The following IRAK2 variants were observed in gnomAD, a reference collection of about 807,000 sequenced individuals.
IRAK2 encodes the protein interleukin-1 receptor-associated kinase-like 2.
Under a neutral mutation model 72.0 loss-of-function variants are expected in IRAK2, and 57 were observed. The ratio of observed to expected loss-of-function variants is 0.79; its 90% CI spans 0.64 to 0.99. IRAK2 has a LOEUF of 0.99. Ranked by LOEUF, IRAK2 falls within the 50% of genes least tolerant of loss-of-function variation. The pLI is 0.00. For synonymous variants in IRAK2, 293 were observed against 312.7 expected (o/e 0.94, Z 0.67); for missense variants, 790 against 794.4 (o/e 0.99, Z 0.07).
At chr3:10,221,077 GCA>G (rs143843977) in intron 8 of IRAK2, among the ~76,000 whole-genome samples, 1 of 150,654 alleles carries the variant, frequency 6.6e-6, no homozygotes, top group Non-Finnish European at 1.5e-5. Context: ...TTGCGGGCGT[GCA>G]CACACACACA....
In IRAK2 at chr3:10,219,761, C is replaced by G. The variant is rs11465910; in HGVS notation, c.985C>G (p.Leu329Val). 1.9e-3 allele frequency: 3,126 copies of G among 1,613,750 alleles called. 51 individuals carry two copies. In the African/African-American group the frequency reaches 0.037, roughly 19 times the overall value. ...CTGTGCCGTCGAGTACCTGCATGGT[C>G]TGGAGATCATCCACAGCAACGTCAA... ...LLCAVEYLHGLEIIHSNVKSS... is the reference protein window; with the variant it reads ...LLCAVEYLHGVEIIHSNVKSS... The change falls in exon 8 of 13, where the codon CTG becomes GTG. Residue 329 changes from leucine (L) to valine (V), a missense_variant. By Grantham distance (32) the Leu-to-Val change is conservative (BLOSUM62 1). Coordinates refer to ENST00000256458, the MANE Select transcript of IRAK2 (RefSeq NM_001570.4).
intron 10 of IRAK2, among the ~76,000 whole-genome samples, chr3:10,231,689 A>G (rs1052214762): frequency 2.6e-5 from 4 of 151,986 alleles, no homozygotes; most frequent in Non-Finnish European, 5.9e-5. Context: ...TTTAAAAAAA[A>G]ATTTTATGTG....
At position 10,242,444 on chromosome 3, in the gene IRAK2, C is replaced by G; in HGVS notation, c.*216C>G. 1 of 364,044 alleles carries G rather than the reference C, an allele frequency of 2.7e-6. No individual in the cohort carries two copies. Among genetic ancestry groups the G allele is most frequent in the Admixed American group, 4.4e-5 (1 of 22,876 alleles). 22.6% of individuals were successfully genotyped at this position (364,044 alleles called of 1,614,324 possible). On this transcript the variant is annotated 3_prime_UTR_variant, in exon 13 of 13. Coordinates refer to ENST00000256458, the MANE Select transcript of IRAK2 (RefSeq NM_001570.4). The stretch of plus-strand genomic sequence containing the variant: ...AAAAATCCATGAAGTCTCTTCCTTT[C>G]TGGGCTTTGTTAGTCAGAGCAGGGG...
chr3:10,204,390 G>C (rs1421059128), intron 3 of IRAK2, among the ~76,000 whole-genome samples: 1 of 152,190 alleles, frequency 6.6e-6, no homozygotes, highest in Non-Finnish European at 1.5e-5. Context: ...CCCCATGTCA[G>C]ATACAGTGCC....
chr3:10,198,295 AT>A (rs1697304123), intron 2 of IRAK2, among the ~76,000 whole-genome samples: 1 of 152,240 alleles, frequency 6.6e-6, no homozygotes, highest in Non-Finnish European at 1.5e-5. Flanking sequence ...ACCCCCCGAC[AT>A]TCAGCCTTGT....
At chr3:10,169,158 C>T (rs1696750864) in intron 1 of IRAK2, among the ~76,000 whole-genome samples, 1 of 152,016 alleles carries the variant, frequency 6.6e-6, no homozygotes, top group Admixed American at 6.6e-5. Flanking sequence ...GAGTAGGTCC[C>T]AGAGATCACA....
intron 2 of IRAK2, among the ~76,000 whole-genome samples, chr3:10,198,058 G>T (rs528557267): frequency 6.6e-6 from 1 of 151,934 alleles, no homozygotes; most frequent in Non-Finnish European, 1.5e-5. Context: ...AATTAGCCGG[G>T]CGTGCTGGTG....
At chr3:10,203,666 T>A (rs1697397183) in intron 3 of IRAK2, among the ~76,000 whole-genome samples, 1 of 152,146 alleles carries the variant, frequency 6.6e-6, no homozygotes, top group Non-Finnish European at 1.5e-5. Flanking sequence ...AGAGTCTCGC[T>A]CTATCACTAG....
intron 3 of IRAK2, among the ~76,000 whole-genome samples, chr3:10,205,935 A>C (rs1377668201): frequency 6.6e-6 from 1 of 152,108 alleles, no homozygotes; most frequent in Admixed American, 6.6e-5. Flanking sequence ...CAAGGGTGGA[A>C]GTGGCCATCA....
At chr3:10,229,851 G>A (rs1356388765) in intron 10 of IRAK2, among the ~76,000 whole-genome samples, 1 of 152,036 alleles carries the variant, frequency 6.6e-6, no homozygotes, top group Non-Finnish European at 1.5e-5. Context: ...CTGTAATCGC[G>A]GCACTTTGGG....
chr3:10,175,325 C>T (rs1696856897), intron 1 of IRAK2, among the ~76,000 whole-genome samples: 1 of 151,952 alleles, frequency 6.6e-6, no homozygotes, highest in Non-Finnish European at 1.5e-5. Flanking sequence ...CGGGGTTTCA[C>T]CATGTTGGCC....
chr3:10,183,520 A>G (rs184438343), intron 2 of IRAK2, among the ~76,000 whole-genome samples: 1 of 152,310 alleles, frequency 6.6e-6, no homozygotes, highest in Admixed American at 6.5e-5. Flanking sequence ...GATCGAGACC[A>G]TCCTGGCTAA....
Position 10,242,481 on chromosome 3 carries a change from CTG to C in IRAK2, c.*254_*255del. ...AGTCAGAGCAGGGGATCAGAGGAGA[CTG>C]AAGCAGAAACCCTGCACACGGGCCC... On this transcript the variant is annotated 3_prime_UTR_variant, in exon 13 of 13. Coordinates refer to ENST00000256458, the MANE Select transcript of IRAK2 (RefSeq NM_001570.4). The C allele has an allele frequency of 3.9e-6, 1 of 256,422 alleles. No homozygotes were observed. The highest frequency in any genetic ancestry group is 7.4e-6 in the Non-Finnish European group (1 of 134,878). 15.9% of individuals were successfully genotyped at this position (256,422 alleles called of 1,614,324 possible).
chr3:10,204,428 A>G (rs978421065), intron 3 of IRAK2, among the ~76,000 whole-genome samples: 7 of 152,194 alleles, frequency 4.6e-5, no homozygotes, highest in African/African-American at 1.7e-4. Context: ...TGTACCTGCA[A>G]TGACACAGCT....
At position 10,217,909 on chromosome 3, in the gene IRAK2, C is replaced by T. The variant is rs148923436; in HGVS notation, c.903+861C>T. On this transcript the variant is annotated intron_variant, in intron 7 of 12. Transcript: ENST00000256458. ...TTTACGTAGGTCATCACCTCCAGGCCGTGCCACAACCAAAGCAATTTCTTC... is the reference window on the plus strand; with the variant it reads ...TTTACGTAGGTCATCACCTCCAGGCTGTGCCACAACCAAAGCAATTTCTTC... 5.3e-3 allele frequency among the ~76,000 whole-genome samples: 805 copies of T among 152,272 alleles called. 9 individuals are homozygous for T. The highest frequency in any genetic ancestry group is 0.018 in the African/African-American group (759 of 41,550).
At chr3:10,199,727 G>A (rs988310282) in intron 2 of IRAK2, among the ~76,000 whole-genome samples, 1 of 152,022 alleles carries the variant, frequency 6.6e-6, no homozygotes, top group Non-Finnish European at 1.5e-5. Context: ...GCAAACGGAC[G>A]CCATTATCAC....
At chr3:10,169,443 G>A (rs575312800) in intron 1 of IRAK2, among the ~76,000 whole-genome samples, 1 of 152,182 alleles carries the variant, frequency 6.6e-6, no homozygotes, top group Admixed American at 6.5e-5. Context: ...ACCTACCCCG[G>A]GAATGCGTTC....
intron 2 of IRAK2, among the ~76,000 whole-genome samples, chr3:10,191,777 C>A (rs1039201191): frequency 1.3e-5 from 2 of 152,152 alleles, no homozygotes; most frequent in East Asian, 3.8e-4. Context: ...TTGTTTTCAG[C>A]ATAGAGCACC....
At chr3:10,181,271 C>T (rs1169671) in intron 2 of IRAK2, among the ~76,000 whole-genome samples, 50,413 of 151,796 alleles carry the variant, frequency 0.33, 9,068 homozygotes, top group Non-Finnish European at 0.39. Context: ...ATTCCCCCTG[C>T]GAAAGTTGTC....
Sources: allele counts gnomAD v4.1 joint callset (sites outside exome capture counted in the v4.1 genomes callset), GRCh38; gene constraint gnomAD v4.1.1; transcripts MANE v1.5; gene names NCBI Gene and HGNC (gene_info 2026-07-23, HGNC 2026-07-21).